Variants in VWA8 observed in about 807,000 individuals in gnomAD.
VWA8 encodes the protein von Willebrand factor A domain-containing protein 8.
A neutral mutation model predicts 241.5 loss-of-function variants in VWA8; 221 were observed. The observed-to-expected ratio is 0.91, with a 90% CI of 0.82 to 1.02. The LOEUF (loss-of-function observed/expected upper bound fraction) is 1.02. Among genes scored for constraint, VWA8 ranks in the 50% least tolerant of loss-of-function variants. VWA8 has a pLI of 0.00. For synonymous variants in VWA8, 852 were observed against 827.1 expected (o/e 1.03, Z -0.52); for missense variants, 2,322 against 2,328.7 (o/e 1.00, Z 0.06).
At chr13:41,956,954 A>G (rs991041798) in intron 1 of VWA8, among the ~76,000 whole-genome samples, 2 of 152,256 alleles carry the variant, frequency 1.3e-5, no homozygotes, top group African/African-American at 4.8e-5. Context: ...ATAAATATAC[A>G]TATCATCCAG....
At chr13:41,583,703 T>C (rs1419703090) in intron 42 of VWA8, among the ~76,000 whole-genome samples, 1 of 146,970 alleles carries the variant, frequency 6.8e-6, no homozygotes, top group East Asian at 2.0e-4. Context: ...GCCTGGACCC[T>C]CATGAGAGGG....
chr13:41,600,461 T>A lies in VWA8; in HGVS notation c.4986+4707A>T, dbSNP rs116023618. On this transcript the variant is annotated intron_variant, in intron 40 of 44. Transcript: ENST00000379310. Reference sequence around the variant, plus strand: ...CTGTGACATGTAGACGTTCCTTGACTCGGCTGTTCTCACCCTTCCCCTCTC... The same window carrying A: ...CTGTGACATGTAGACGTTCCTTGACACGGCTGTTCTCACCCTTCCCCTCTC... 3.4e-3 allele frequency among the ~76,000 whole-genome samples: 524 copies of A among 152,226 alleles called. 3 individuals are homozygous for A. Among genetic ancestry groups the A allele is most frequent in the African/African-American group, 0.012 (507 of 41,560 alleles).
chr13:41,618,954 T>C (rs7327495), intron 37 of VWA8, among the ~76,000 whole-genome samples: 20,241 of 152,214 alleles, frequency 0.13, 1,957 homozygotes, highest in African/African-American at 0.27. Context: ...CTTGGCAATG[T>C]GGGCTCTTTT....
intron 2 of VWA8, among the ~76,000 whole-genome samples, chr13:41,933,292 C>T (rs1322471029): frequency 1.3e-5 from 2 of 151,972 alleles, no homozygotes; most frequent in South Asian, 2.1e-4. Flanking sequence ...GAAAACAATA[C>T]AACATTGCTG....
chr13:41,612,488 AGGCCAGGTAG>A (rs2044595517), intron 38 of VWA8, among the ~76,000 whole-genome samples: 1 of 152,262 alleles, frequency 6.6e-6, no homozygotes, highest in Non-Finnish European at 1.5e-5. Context: ...AATGCCTGTA[AGGCCAGGTAG>A]GTCATATGAT....
At chr13:41,791,002 T>C (rs970122194) in intron 17 of VWA8, among the ~76,000 whole-genome samples, 8 of 151,994 alleles carry the variant, frequency 5.3e-5, no homozygotes, top group Non-Finnish European at 1.2e-4. Context: ...AGATAATTTA[T>C]CTTGATTTTT....
chr13:41,616,137 T>C (rs2139663933), intron 37 of VWA8, among the ~76,000 whole-genome samples: 1 of 152,288 alleles, frequency 6.6e-6, no homozygotes, highest in East Asian at 1.9e-4. Context: ...TCCATGTTGG[T>C]ATATGGGATT....
chr13:41,947,317 G>C (rs1260692764), intron 2 of VWA8, among the ~76,000 whole-genome samples: 1 of 152,198 alleles, frequency 6.6e-6, no homozygotes, highest in Non-Finnish European at 1.5e-5. Context: ...CCAATGACTG[G>C]AACAAAGAAT....
intron 26 of VWA8, among the ~76,000 whole-genome samples, chr13:41,704,279 A>G (rs2045268793): frequency 6.6e-6 from 1 of 152,236 alleles, no homozygotes; most frequent in Non-Finnish European, 1.5e-5. Context: ...ACTGGCATCC[A>G]GAAGCACCTG....
At chr13:41,878,972 A>G (rs1874036901) in intron 9 of VWA8, among the ~76,000 whole-genome samples, 1 of 152,182 alleles carries the variant, frequency 6.6e-6, no homozygotes, top group South Asian at 2.1e-4. Context: ...TTCACAAAAA[A>G]CATTACATTG....
Position 41,960,864 on chromosome 13 carries a change from C to T in VWA8, c.152G>A (p.Gly51Glu). The T allele has an allele frequency of 6.6e-7, 1 of 1,518,652 alleles. No homozygotes were observed. Among genetic ancestry groups the T allele is most frequent in the Non-Finnish European group, 8.8e-7 (1 of 1,139,218 alleles). The allele number at this position is 1,518,652 out of a possible 1,614,324, so 94.1% of individuals were successfully genotyped here. Residue 51 changes from glycine (G) to glutamate (E), a missense_variant, in exon 1 of 45, where the codon GGG becomes GAG. Physicochemically the swap from Gly to Glu is moderately conservative, Grantham distance 98. Coordinates refer to ENST00000379310, the MANE Select transcript of VWA8 (RefSeq NM_015058.2). The part of the protein sequence containing the change: ...PEVRLLHAGS[G>E]ADTGDTVNIG... ...GCACCCCGAGTTACCTGTGTCGGCC[C>T]CCGAGCCGGCGTGCAACAGTCTGAC...
Position 41,692,855 on chromosome 13 carries a change from T to A in VWA8, c.3675+7A>T, listed in dbSNP as rs757847786. On this transcript the variant is annotated splice_region_variant and intron_variant, in intron 30 of 44. Transcript: ENST00000379310. ...GCAATTTGTGGGACAAATGTGGTGT[T>A]TCTTACAGCTTCTTCTTTGTTCCAC... is the stretch of plus-strand genomic sequence containing the variant. The A allele has an allele frequency of 6.2e-6, 10 of 1,601,470 alleles. No homozygotes were observed. Among genetic ancestry groups the A allele is most frequent in the Non-Finnish European group, 8.5e-6 (10 of 1,170,628 alleles).
intron 37 of VWA8, among the ~76,000 whole-genome samples, chr13:41,650,004 T>A (rs1289446950): frequency 1.3e-5 from 2 of 152,184 alleles, no homozygotes; most frequent in Non-Finnish European, 2.9e-5. Flanking sequence ...TATTAGCCCC[T>A]CCCCTTCAAA....
intron 12 of VWA8, among the ~76,000 whole-genome samples, chr13:41,836,890 T>C (rs1274347241): frequency 6.6e-6 from 1 of 152,204 alleles, no homozygotes; most frequent in Non-Finnish European, 1.5e-5. Flanking sequence ...CTTCCTCTTT[T>C]CAATCTTCGG....
chr13:41,833,643 T>G, intron 12 of VWA8, 112 bp from the exon 13 acceptor site: 1 of 1,216,992 alleles, frequency 8.2e-7, no homozygotes, highest in Non-Finnish European at 1.1e-6. Flanking sequence ...TAACATTCCA[T>G]ATAGTAACAG....
In VWA8 at chr13:41,567,487, C is replaced by CT. The variant is rs1441303977; in HGVS notation, c.*709dup. Reference sequence around the variant, plus strand: ...ACAGTAAACTTTTAAGGCAAGACATCTTTCTCCTCCCACTCTAGCAGCAAG... The same window carrying CT: ...ACAGTAAACTTTTAAGGCAAGACATCTTTTCTCCTCCCACTCTAGCAGCAAG... On this transcript the variant is annotated 3_prime_UTR_variant, in exon 45 of 45. Coordinates refer to ENST00000379310, the MANE Select transcript of VWA8 (RefSeq NM_015058.2). The CT allele has an allele frequency of 2.0e-5, 3 of 152,212 alleles. No homozygotes were observed. Among genetic ancestry groups the CT allele is most frequent in the African/African-American group, 7.2e-5 (3 of 41,454 alleles). 9.4% of individuals were successfully genotyped at this position (152,212 alleles called of 1,614,324 possible).
chr13:41,922,212 A>G (rs1876574888), intron 2 of VWA8, among the ~76,000 whole-genome samples: 3 of 152,204 alleles, frequency 2.0e-5, no homozygotes, highest in South Asian at 4.1e-4. Context: ...AAATGGTGCT[A>G]GGAAAACTGG....
At chr13:41,715,683 T>C (rs573731015) in intron 26 of VWA8, among the ~76,000 whole-genome samples, 55 of 152,144 alleles carry the variant, frequency 3.6e-4, no homozygotes, top group African/African-American at 1.3e-3. Context: ...GGTTGGATGT[T>C]TGGACCTAAT....
intron 1 of VWA8, among the ~76,000 whole-genome samples, chr13:41,958,185 TA>T (rs1471151902): frequency 6.6e-6 from 1 of 152,242 alleles, no homozygotes; most frequent in Non-Finnish European, 1.5e-5. Flanking sequence ...GTTTTTAACA[TA>T]AATGACCTAT....
Sources: allele counts gnomAD v4.1 joint callset (sites outside exome capture counted in the v4.1 genomes callset), GRCh38; gene constraint gnomAD v4.1.1; transcripts MANE v1.5; gene names NCBI Gene and HGNC (gene_info 2026-07-23, HGNC 2026-07-21).